Variants in SLC25A25 observed in about 807,000 individuals in gnomAD.
SLC25A25 encodes solute carrier family 25 member 25.
Under a neutral mutation model 57.7 loss-of-function variants are expected in SLC25A25, and 32 were observed. The observed-to-expected ratio is 0.55, with a 90% CI of 0.42 to 0.74. The LOEUF (loss-of-function observed/expected upper bound fraction) is 0.74. Ranked by LOEUF, SLC25A25 falls within the 30% of genes least tolerant of loss-of-function variation. The probability of loss-of-function intolerance (pLI) is 0.00; values close to 1 mark genes in which losing one functional copy is unlikely to be tolerated. For missense variants in SLC25A25, 556 were observed against 701.3 expected, an observed-to-expected ratio of 0.79 and a Z score of 2.34; for synonymous variants, 306 against 291.2, an observed-to-expected ratio of 1.05 and a Z score of -0.52.
chr9:128,074,170 G>A (rs1832961633), intron 1 of SLC25A25, among the ~76,000 whole-genome samples: 1 of 151,988 alleles, frequency 6.6e-6, no homozygotes, highest in East Asian at 1.9e-4. Context: ...CTCCCAAGTA[G>A]CTGAGATTAC....
At chr9:128,084,629 GTCT>G (rs1411254395) in intron 1 of SLC25A25, among the ~76,000 whole-genome samples, 13 of 152,104 alleles carry the variant, frequency 8.5e-5, no homozygotes, top group African/African-American at 3.1e-4. Flanking sequence ...ATTGACTGAT[GTCT>G]TCTTGTAACT....
chr9:128,086,778 G>C (rs1356966878), intron 1 of SLC25A25, among the ~76,000 whole-genome samples: 2 of 151,752 alleles, frequency 1.3e-5, no homozygotes. Flanking sequence ...ACCTGGCCTA[G>C]TTTTAGAATC....
At chr9:128,070,498 C>T (rs928128837) in intron 1 of SLC25A25, among the ~76,000 whole-genome samples, 4 of 151,704 alleles carry the variant, frequency 2.6e-5, no homozygotes, top group African/African-American at 7.3e-5. Flanking sequence ...GCCTCGGCCT[C>T]CCAAAGTGTT....
chr9:128,105,779 G>A lies in SLC25A25; in HGVS notation c.834G>A (p.Gln278=), dbSNP rs1049260951. 6.2e-7 allele frequency: 1 copy of A among 1,614,060 alleles called. No individual in the cohort carries two copies. Among genetic ancestry groups the A allele is most frequent in the Non-Finnish European group, 8.5e-7 (1 of 1,180,040 alleles). ...NNMGIVGGFT[Q]MIREGGARSL... ...TGGGCATCGTTGGTGGCTTCACTCA[G>A]ATGATTCGAGAAGGAGGGGCCAGGT... Residue 278 remains glutamine, a synonymous_variant, in exon 7 of 11, where the codon CAG becomes CAA. Coordinates refer to ENST00000373069, the MANE Select transcript of SLC25A25 (RefSeq NM_001330988.2).
In SLC25A25 at chr9:128,095,861, A is replaced by G. The variant is rs1487640699; in HGVS notation, c.262-5235A>G. The stretch of plus-strand genomic sequence containing the variant: ...AATACAGGTTTCACTTTTATTTAGT[A>G]TCATTTTCAAATCTCAGATTTCTTT... On this transcript the variant is annotated intron_variant, in intron 1 of 10. Transcript: ENST00000373069. This position sits in a 1 kb window ranked among gnomAD's most constrained non-coding sequence, Gnocchi z 4.4. Among the ~76,000 whole-genome samples the G allele has an allele frequency of 6.6e-6, 1 of 152,222 alleles. No homozygotes were observed. Among genetic ancestry groups the G allele is most frequent in the Non-Finnish European group, 1.5e-5 (1 of 68,042 alleles).
At chr9:128,083,268 T>TTG (rs1833196473) in intron 1 of SLC25A25, among the ~76,000 whole-genome samples, 1 of 144,334 alleles carries the variant, frequency 6.9e-6, no homozygotes, top group African/African-American at 2.5e-5. Context: ...TTTTTTTGTT[T>TTG]GTTTTGGTTT....
At chr9:128,070,393 C>T (rs1242522624) in intron 1 of SLC25A25, among the ~76,000 whole-genome samples, 5 of 151,388 alleles carry the variant, frequency 3.3e-5, no homozygotes, top group South Asian at 4.2e-4. Flanking sequence ...CCACCGCGCC[C>T]GGCCACCCAG....
chr9:128,069,204 T>C (rs1396039462), intron 1 of SLC25A25, among the ~76,000 whole-genome samples: 3 of 152,162 alleles, frequency 2.0e-5, no homozygotes, highest in Non-Finnish European at 4.4e-5. Context: ...GGGAAATTTT[T>C]TTTCTAAAAG....
intron 1 of SLC25A25, among the ~76,000 whole-genome samples, chr9:128,082,074 C>T (rs1833168160): frequency 6.6e-6 from 1 of 152,168 alleles, no homozygotes; most frequent in Non-Finnish European, 1.5e-5. Flanking sequence ...CTTTAATATG[C>T]ATTCACCTTG....
chr9:128,104,661 G>A (rs1833941340), intron 6 of SLC25A25, among the ~76,000 whole-genome samples: 3 of 152,150 alleles, frequency 2.0e-5, no homozygotes, highest in Admixed American at 2.0e-4. Context: ...ATTGAAAGCA[G>A]GCCTTGGGTG....
In SLC25A25 at chr9:128,099,691, G is replaced by A. The variant is rs988002325; in HGVS notation, c.262-1405G>A. On this transcript the variant is annotated intron_variant, in intron 1 of 10. Transcript: ENST00000373069. This position sits in a 1 kb window ranked among gnomAD's most constrained non-coding sequence, Gnocchi z 6.8. ...GCCACGCCCCTCACATTAGCCTTTT[G>A]ATCGCGCCAGGTCATGGGGTATCTG... 6.6e-6 allele frequency among the ~76,000 whole-genome samples: 1 copy of A among 152,200 alleles called. No homozygotes were observed. Among genetic ancestry groups the A allele is most frequent in the African/African-American group, 2.4e-5 (1 of 41,448 alleles).
intron 1 of SLC25A25, among the ~76,000 whole-genome samples, chr9:128,079,604 A>AAG (rs1564179476): frequency 1.2e-5 from 1 of 81,104 alleles, no homozygotes; most frequent in African/African-American, 7.2e-5. Flanking sequence ...CTAAAAATAC[A>AAG]AAAAAAAAAA....
chr9:128,091,523 C>T, intron 1 of SLC25A25: 1 of 992,452 alleles, frequency 1.0e-6, no homozygotes, highest in South Asian at 4.7e-5. Flanking sequence ...GAGTGGTCTG[C>T]TTGGCTGTCG....
At chr9:128,072,501 T>C (rs1037802526) in intron 1 of SLC25A25, among the ~76,000 whole-genome samples, 1 of 152,232 alleles carries the variant, frequency 6.6e-6, no homozygotes, top group Non-Finnish European at 1.5e-5. Flanking sequence ...TCACAAAGCC[T>C]CTTCTTAGCT....
At chr9:128,084,235 C>A (rs1344514046) in intron 1 of SLC25A25, among the ~76,000 whole-genome samples, 1 of 150,324 alleles carries the variant, frequency 6.7e-6, no homozygotes, top group African/African-American at 2.4e-5. Context: ...TCAGGCACAA[C>A]CGACCAGCAT....
intron 1 of SLC25A25, among the ~76,000 whole-genome samples, chr9:128,088,777 G>T (rs1325142722): frequency 6.6e-6 from 1 of 152,140 alleles, no homozygotes. Flanking sequence ...CAGTTCTGTG[G>T]TAGGAGGAAG....
intron 9 of SLC25A25, among the ~76,000 whole-genome samples, 166 bp from the exon 10 acceptor site, chr9:128,106,863 C>T (rs573834283): frequency 3.2e-4 from 49 of 152,128 alleles, no homozygotes; most frequent in Non-Finnish European, 6.8e-4. Context: ...TACCTTGTCC[C>T]GGAATTCCCA....
In SLC25A25 at chr9:128,103,931, T is replaced by C; in HGVS notation, c.783+92T>C. 1 of 1,360,876 alleles carries C rather than the reference T, an allele frequency of 7.3e-7. No individual in the cohort carries two copies. The highest frequency in any genetic ancestry group is 9.7e-7 in the Non-Finnish European group (1 of 1,027,450). The allele number at this position is 1,360,876 out of a possible 1,614,324, so 84.3% of individuals were successfully genotyped here. Reference sequence around the variant, plus strand: ...GTTTTCCCTTTCTCTGGCTGGTGCCTGCTTTGGGCCCAAACTTTTCTAACC... The same window carrying C: ...GTTTTCCCTTTCTCTGGCTGGTGCCCGCTTTGGGCCCAAACTTTTCTAACC... On this transcript the variant is annotated intron_variant, in intron 6 of 10. Transcript: ENST00000373069. The surrounding 1 kb of genome is among the most constrained non-coding windows in gnomAD (Gnocchi z 6.7).
intron 1 of SLC25A25, among the ~76,000 whole-genome samples, chr9:128,097,584 A>G (rs1196425688): frequency 6.6e-6 from 1 of 152,156 alleles, no homozygotes; most frequent in East Asian, 1.9e-4. Flanking sequence ...GTGTGCCACC[A>G]CGCCTGGCTA....
Sources: allele counts gnomAD v4.1 joint callset (sites outside exome capture counted in the v4.1 genomes callset), GRCh38; gene constraint gnomAD v4.1.1; non-coding constraint Gnocchi (gnomAD v3.1); transcripts MANE v1.5; gene names NCBI Gene and HGNC (gene_info 2026-07-23, HGNC 2026-07-21).